AADACL2: variants seen among roughly 807,000 people sequenced by gnomAD.
AADACL2 encodes the protein arylacetamide deacetylase like 2.
In AADACL2, 23 loss-of-function variants were observed where a neutral mutation model predicts 22.3. The observed-to-expected ratio is 1.03, with a 90% CI of 0.74 to 1.46. The LOEUF (loss-of-function observed/expected upper bound fraction) is 1.46. AADACL2 is among the 40% of genes most tolerant of loss of function. AADACL2 has a pLI of 0.00. For synonymous variants in AADACL2, 177 were observed against 166.2 expected (o/e 1.07, Z -0.50); for missense variants, 472 against 482.9 (o/e 0.98, Z 0.21).
chr3:151,737,701 T>C (rs1318486548), intron 1 of AADACL2, among the ~76,000 whole-genome samples: 2 of 152,206 alleles, frequency 1.3e-5, no homozygotes, highest in African/African-American at 4.8e-5. Context: ...CCTTGGTACC[T>C]TTACCATTGT....
Position 151,757,265 on chromosome 3 carries a change from A to G in AADACL2, c.877A>G (p.Lys293Glu), listed in dbSNP as rs1410403154. ...WSILLPEKYR[K>E]DYVYTEPILG... ...TATTCTTCTTCCTGAGAAGTATAGA[A>G]AAGACTATGTATATACTGAACCAAT... Residue 293 changes from lysine to glutamate, a missense_variant, in exon 5 of 5, where the codon AAA becomes GAA. Lys to Glu is a moderately conservative substitution (Grantham distance 56). Around this residue, in one of 3 missense-constraint regions of AADACL2, gnomAD observed 356 missense variants for 365.5 expected, o/e 0.97. Transcript: ENST00000356517. The G allele has an allele frequency of 6.2e-6, 10 of 1,613,720 alleles. No individual in the cohort carries two copies. The highest frequency in any genetic ancestry group is 8.5e-6 in the Non-Finnish European group (10 of 1,179,692).
Position 151,757,120 on chromosome 3 carries a change from T to A in AADACL2, c.732T>A (p.Asp244Glu). Residue 244 changes from aspartate (D) to glutamate (E), a missense_variant, in exon 5 of 5, where the codon GAT (aspartate) becomes GAA (glutamate). By Grantham distance (45) the Asp-to-Glu change is conservative. Transcript: ENST00000356517. ...ENEHGIVLTR[D>E]VAIKLVSLYF... ...AGCATGGTATAGTTTTGACCAGGGA[T>A]GTAGCCATAAAACTCGTGAGCTTAT... The A allele has an allele frequency of 6.2e-7, 1 of 1,613,164 alleles. No homozygotes were observed. The highest frequency in any genetic ancestry group is 8.5e-7 in the Non-Finnish European group (1 of 1,179,618).
At chr3:151,744,037 GTTTCT>G (rs1560282872) in intron 2 of AADACL2, 51 bp from the exon 3 acceptor site, 2 of 1,556,138 alleles carry the variant, frequency 1.3e-6, no homozygotes, top group African/African-American at 2.7e-5. Flanking sequence ...ATCTGTAACT[GTTTCT>G]ATAGCTTTTT....
At chr3:151,745,208 C>T (rs1713399600) in intron 3 of AADACL2, among the ~76,000 whole-genome samples, 2 of 152,080 alleles carry the variant, frequency 1.3e-5, no homozygotes, top group East Asian at 3.9e-4. Context: ...ATGATGTAAG[C>T]TATACACCAT....
intron 1 of AADACL2, among the ~76,000 whole-genome samples, chr3:151,735,169 C>T (rs1015127491): frequency 2.6e-5 from 4 of 152,050 alleles, no homozygotes; most frequent in African/African-American, 9.6e-5. Context: ...AATGCTCTTA[C>T]TTCTTGAGTA....
chr3:151,754,861 T>C (rs1576618039), intron 4 of AADACL2, among the ~76,000 whole-genome samples: 1 of 152,130 alleles, frequency 6.6e-6, no homozygotes, highest in Non-Finnish European at 1.5e-5. Context: ...CTCAAGTACA[T>C]ATCAGTTACC....
intron 2 of AADACL2, among the ~76,000 whole-genome samples, chr3:151,743,437 G>A (rs1343072355): frequency 3.3e-5 from 5 of 152,116 alleles, no homozygotes; most frequent in Non-Finnish European, 7.4e-5. Context: ...GTGTGTGTGT[G>A]TTATGTGTCT....
At chr3:151,739,796 C>G (rs1713219021) in intron 1 of AADACL2, among the ~76,000 whole-genome samples, 1 of 152,154 alleles carries the variant, frequency 6.6e-6, no homozygotes, top group African/African-American at 2.4e-5. Context: ...AACCTCCCGG[C>G]CTCCTTAGCA....
In AADACL2 at chr3:151,740,816, A is replaced by T; in HGVS notation, c.309A>T (p.Arg103=). The change falls in exon 2 of 5, where the codon CGA becomes CGT. Residue 103 remains arginine, a synonymous_variant. Transcript: ENST00000356517. ...TGCCAAAAAGAAAGTCAGAAACCCG[A>T]AGGCGAGCTGTGATATATTTTCATG... is the stretch of plus-strand genomic sequence containing the variant. ...LYLPKRKSET[R]RRAVIYFHGG... The T allele has an allele frequency of 6.2e-7, 1 of 1,614,034 alleles. No individual in the cohort carries two copies. The highest frequency in any genetic ancestry group is 8.5e-7 in the Non-Finnish European group (1 of 1,179,950).
intron 4 of AADACL2, among the ~76,000 whole-genome samples, chr3:151,746,366 T>G (rs1355154203): frequency 1.2e-4 from 4 of 33,474 alleles, no homozygotes; most frequent in South Asian, 1.5e-3. Flanking sequence ...GTTTTTTTTG[T>G]TTTTTTTTTT....
intron 1 of AADACL2, among the ~76,000 whole-genome samples, chr3:151,737,584 T>C (rs1337919564): frequency 6.6e-6 from 1 of 152,000 alleles, no homozygotes; most frequent in Non-Finnish European, 1.5e-5. Context: ...CACTAGTAGT[T>C]TGTGGGAGTC....
At chr3:151,748,672 T>G (rs1373835599) in intron 4 of AADACL2, among the ~76,000 whole-genome samples, 1 of 152,244 alleles carries the variant, frequency 6.6e-6, no homozygotes, top group Non-Finnish European at 1.5e-5. Flanking sequence ...GCTTCCTTTC[T>G]TGCCATGTGA....
chr3:151,752,308 T>A (rs1218460426), intron 4 of AADACL2, among the ~76,000 whole-genome samples: 4 of 152,210 alleles, frequency 2.6e-5, no homozygotes, highest in African/African-American at 7.2e-5. Flanking sequence ...GACTCATCTG[T>A]TTCAATTCAC....
At chr3:151,743,507 C>T (rs1713344425) in intron 2 of AADACL2, among the ~76,000 whole-genome samples, 1 of 152,150 alleles carries the variant, frequency 6.6e-6, no homozygotes, top group Non-Finnish European at 1.5e-5. Flanking sequence ...ATCAAGTCTT[C>T]ACACTGACCT....
rs1008463818 is a variant in AADACL2, at chr3:151,740,747, A to C, written c.240A>C (p.Thr80=). The C allele has an allele frequency of 3.1e-6, 5 of 1,614,002 alleles. No individual in the cohort carries two copies. Among genetic ancestry groups the C allele is most frequent in the Non-Finnish European group, 4.2e-6 (5 of 1,179,924 alleles). The change falls in exon 2 of 5, where the codon ACA becomes ACC. Residue 80 remains threonine, a synonymous_variant. Coordinates refer to ENST00000356517, the MANE Select transcript of AADACL2 (RefSeq NM_207365.4). ...AACCACTTTCAGATGAATACATCAC[A>C]GTGACTGATACAACATTTGTTGACA... is the stretch of plus-strand genomic sequence containing the variant. ...YTQPLSDEYI[T]VTDTTFVDIP...
At chr3:151,738,813 C>T (rs1391549828) in intron 1 of AADACL2, among the ~76,000 whole-genome samples, 3 of 152,182 alleles carry the variant, frequency 2.0e-5, no homozygotes, top group African/African-American at 7.2e-5. Context: ...ATATGCCTCA[C>T]GAAGTTCTTG....
Position 151,758,283 on chromosome 3 carries a change from C to T in AADACL2, c.*689C>T, listed in dbSNP as rs1335605223. The T allele has an allele frequency of 6.6e-6, 1 of 152,134 alleles. No homozygotes were observed. Among genetic ancestry groups the T allele is most frequent in the Non-Finnish European group, 1.5e-5 (1 of 68,062 alleles). The allele number at this position is 152,134 out of a possible 1,614,324, so 9.4% of individuals were successfully genotyped here. ...AAGGCCAGCATCTTCCAATCTCTTTCTGCTTCATCTTCACATTGCCTTCTT... is the reference window on the plus strand; with the variant it reads ...AAGGCCAGCATCTTCCAATCTCTTTTTGCTTCATCTTCACATTGCCTTCTT... On this transcript the variant is annotated 3_prime_UTR_variant, in exon 5 of 5. Transcript: ENST00000356517.
chr3:151,742,873 C>CAT (rs1170409835), intron 2 of AADACL2, among the ~76,000 whole-genome samples: 1 of 152,122 alleles, frequency 6.6e-6, no homozygotes, highest in African/African-American at 2.4e-5. Context: ...CCTTTATTTA[C>CAT]ATATATATAC....
intron 4 of AADACL2, among the ~76,000 whole-genome samples, chr3:151,754,117 A>G (rs995955514): frequency 6.6e-6 from 1 of 152,092 alleles, no homozygotes; most frequent in South Asian, 2.1e-4. Flanking sequence ...GTCATGGATC[A>G]TCCCTTCTCT....
Sources: allele counts gnomAD v4.1 joint callset (sites outside exome capture counted in the v4.1 genomes callset), GRCh38; gene constraint gnomAD v4.1.1; regional missense constraint gnomAD v4.1.1; transcripts MANE v1.5; gene names NCBI Gene and HGNC (gene_info 2026-07-23, HGNC 2026-07-21).